The following RAD54B variants were observed in gnomAD, a reference collection of about 807,000 sequenced individuals.
The protein encoded by RAD54B is RAD54 homolog B, also known as DNA repair and recombination protein RAD54B.
A neutral mutation model predicts 95.8 loss-of-function variants in RAD54B; 78 were observed. The observed-to-expected ratio is 0.81, with a 90% confidence interval of 0.68 to 0.98. The LOEUF (loss-of-function observed/expected upper bound fraction) is 0.98. Among genes scored for constraint, RAD54B ranks in the 50% least tolerant of loss-of-function variants. The pLI is 0.00. For synonymous variants in RAD54B, 328 were observed against 354.9 expected, an observed-to-expected ratio of 0.92 and a Z score of 0.85; for missense variants, 957 against 1,056.6, an observed-to-expected ratio of 0.91 and a Z score of 1.31.
chr8:94,441,999 T>C (rs1367792821), intron 3 of RAD54B, among the ~76,000 whole-genome samples: 1 of 152,192 alleles, frequency 6.6e-6, no homozygotes, highest in Non-Finnish European at 1.5e-5. Flanking sequence ...TCAACCTAAG[T>C]GTCCATCAAC....
At chr8:94,423,150 G>A (rs868718271) in intron 3 of RAD54B, among the ~76,000 whole-genome samples, 8 of 152,062 alleles carry the variant, frequency 5.3e-5, no homozygotes, top group Non-Finnish European at 1.0e-4. Context: ...TTGGGAGGCC[G>A]AGGCAGGCTA....
chr8:94,460,075 G>A (rs1052512213), intron 2 of RAD54B, among the ~76,000 whole-genome samples: 55 of 151,196 alleles, frequency 3.6e-4, no homozygotes, highest in African/African-American at 1.1e-3. Context: ...GGAGAACGGC[G>A]TGAACCCAGG....
chr8:94,379,801 T>C (rs1378035869), intron 12 of RAD54B, among the ~76,000 whole-genome samples: 2 of 152,252 alleles, frequency 1.3e-5, no homozygotes, highest in African/African-American at 2.4e-5. Context: ...TGTAACTTTA[T>C]TGTCTTCACC....
intron 8 of RAD54B, 103 bp from the exon 9 acceptor site, chr8:94,393,985 C>A: frequency 9.2e-7 from 1 of 1,089,090 alleles, no homozygotes; most frequent in Non-Finnish European, 1.3e-6. Context: ...AATTTATTCC[C>A]TAAAAGGAAT....
At chr8:94,414,907 G>A (rs1811621907) in intron 3 of RAD54B, among the ~76,000 whole-genome samples, 1 of 152,154 alleles carries the variant, frequency 6.6e-6, no homozygotes, top group African/African-American at 2.4e-5. Flanking sequence ...CTCATGGGTA[G>A]GAAGAATCAA....
chr8:94,466,982 G>A (rs559973301), intron 2 of RAD54B, among the ~76,000 whole-genome samples: 1 of 152,284 alleles, frequency 6.6e-6, no homozygotes, highest in South Asian at 2.1e-4. Flanking sequence ...TGGATGGAGT[G>A]CAGTGGCACA....
rs559330535 is a variant in RAD54B at position 94,414,520 on chromosome 8, A to G, written c.305-3205T>C. On this transcript the variant is annotated intron_variant, in intron 3 of 14. Coordinates refer to ENST00000336148, the MANE Select transcript of RAD54B (RefSeq NM_012415.3). ...TGTCCTATCAATACCTAATTTATTG[A>G]GAGTTTTTAGCATGAAGCGTTGTTG... Among the ~76,000 whole-genome samples, 414 of 152,252 alleles carry G rather than the reference A, an allele frequency of 2.7e-3. 2 individuals are homozygous for G. The highest frequency in any genetic ancestry group is 2.3e-3 in the Non-Finnish European group (154 of 68,024).
chr8:94,438,880 A>G (rs1812333069), intron 3 of RAD54B, among the ~76,000 whole-genome samples: 1 of 152,174 alleles, frequency 6.6e-6, no homozygotes, highest in African/African-American at 2.4e-5. Context: ...TTACTTGAGC[A>G]CATGAGTTCA....
intron 3 of RAD54B, among the ~76,000 whole-genome samples, chr8:94,456,511 G>T (rs939428421): frequency 4.6e-5 from 7 of 152,118 alleles, no homozygotes; most frequent in African/African-American, 1.7e-4. Flanking sequence ...AAAGGTTGAG[G>T]GGAGTGCATC....
chr8:94,433,565 C>A (rs903554144), intron 3 of RAD54B, among the ~76,000 whole-genome samples: 1 of 152,008 alleles, frequency 6.6e-6, no homozygotes, highest in Non-Finnish European at 1.5e-5. Flanking sequence ...GAGACAACTA[C>A]AGCTTTAGCA....
Position 94,385,200 on chromosome 8 carries a change from C to A in RAD54B, c.1985+1784G>T, listed in dbSNP as rs185876282. On this transcript the variant is annotated intron_variant, in intron 11 of 14. Transcript: ENST00000336148. ...TTCTTCATTCCTTTCTTCCTTCTTG[C>A]CACAAGAGGGAAACTTTCCCCTATG... 8.7e-4 allele frequency among the ~76,000 whole-genome samples: 132 copies of A among 152,200 alleles called. 1 individual carries two copies. The highest frequency in any genetic ancestry group is 2.4e-3 in the African/African-American group (101 of 41,538).
rs1385650309 is a variant in RAD54B at position 94,467,390 on chromosome 8, C to CTTTTTT, written c.135+9_135+14dup. ...TCTCTATATTATCTATATCATGAGT[C>CTTTTTT]TTTTTTTGCCTTACCTCAAATAATT... On this transcript the variant is annotated intron_variant, in intron 2 of 14. Coordinates refer to ENST00000336148, the MANE Select transcript of RAD54B (RefSeq NM_012415.3). The CTTTTTT allele has an allele frequency of 6.3e-7, 1 of 1,588,734 alleles. No individual in the cohort carries two copies. The highest frequency in any genetic ancestry group is 1.1e-5 in the South Asian group (1 of 88,034).
At chr8:94,420,143 A>C (rs112655226) in intron 3 of RAD54B, among the ~76,000 whole-genome samples, 9 of 152,140 alleles carry the variant, frequency 5.9e-5, no homozygotes, top group African/African-American at 1.9e-4. Context: ...CATCAACGAA[A>C]TCACCTAGCA....
rs538621961 is a variant in RAD54B at position 94,474,080 on chromosome 8, T to C, written c.-17+921A>G. Among the ~76,000 whole-genome samples the C allele has an allele frequency of 1.8e-4, 27 of 152,354 alleles. 1 individual carries two copies. In the South Asian group the frequency reaches 5.2e-3, roughly 29 times the overall value. On this transcript the variant is annotated intron_variant, in intron 1 of 14. Coordinates refer to ENST00000336148, the MANE Select transcript of RAD54B (RefSeq NM_012415.3). ...TCCTTTGCAGCAACATGGGTGCAGC[T>C]GGAGGCTATTATCCAAAGCGAATTA...
chr8:94,385,758 A>G (rs775194926), intron 11 of RAD54B, among the ~76,000 whole-genome samples: 2 of 152,328 alleles, frequency 1.3e-5, no homozygotes, highest in South Asian at 4.1e-4. Context: ...GAGGCTTAAC[A>G]AAGAGAAAAA....
At chr8:94,473,553 G>A (rs1215301613) in intron 1 of RAD54B, among the ~76,000 whole-genome samples, 1 of 152,172 alleles carries the variant, frequency 6.6e-6, no homozygotes, top group Non-Finnish European at 1.5e-5. Context: ...CACATAGTAA[G>A]CACTCAATGT....
At chr8:94,422,864 C>T (rs1811857946) in intron 3 of RAD54B, among the ~76,000 whole-genome samples, 2 of 149,792 alleles carry the variant, frequency 1.3e-5, no homozygotes, top group Non-Finnish European at 3.0e-5. Flanking sequence ...CTATGTTCCA[C>T]TATCCTATGT....
At chr8:94,375,198 T>C (rs1810539596) in intron 14 of RAD54B, among the ~76,000 whole-genome samples, 2 of 152,214 alleles carry the variant, frequency 1.3e-5, no homozygotes, top group South Asian at 2.1e-4. Flanking sequence ...TACTTGAAGA[T>C]ATTCAAAATG....
At chr8:94,422,996 T>C (rs1052714760) in intron 3 of RAD54B, among the ~76,000 whole-genome samples, 1 of 151,774 alleles carries the variant, frequency 6.6e-6, no homozygotes, top group African/African-American at 2.4e-5. Flanking sequence ...TATACATATA[T>C]ATTTATCTTA....
Sources: allele counts gnomAD v4.1 joint callset (sites outside exome capture counted in the v4.1 genomes callset), GRCh38; gene constraint gnomAD v4.1.1; transcripts MANE v1.5; gene names NCBI Gene and HGNC (gene_info 2026-07-23, HGNC 2026-07-21).